Variants in INTS9 observed in about 807,000 individuals in gnomAD.
The protein encoded by INTS9 is protein related to CPSF subunits of 74 kDa.
INTS9 carries 55 observed loss-of-function variants against 79.7 expected under a neutral mutation model. The observed-to-expected ratio is 0.69, with a 90% CI of 0.56 to 0.86. INTS9 has a LOEUF of 0.86. Ranked by LOEUF, INTS9 falls within the 40% of genes least tolerant of loss-of-function variation. The pLI is 0.00. For missense variants in INTS9, 721 were observed against 831.5 expected (o/e 0.87, Z 1.64); for synonymous variants, 319 against 325.2 (o/e 0.98, Z 0.20).
intron 16 of INTS9, among the ~76,000 whole-genome samples, chr8:28,768,651 A>C (rs1802348323): frequency 6.6e-6 from 1 of 152,168 alleles, no homozygotes. Flanking sequence ...CTCCCTCCTA[A>C]GTTTCAGCTG....
chr8:28,828,318 G>C (rs1013648441), intron 6 of INTS9, among the ~76,000 whole-genome samples: 1 of 152,222 alleles, frequency 6.6e-6, no homozygotes, highest in Admixed American at 6.5e-5. Context: ...GCAGAAGACA[G>C]ATGTATTCTA....
intron 1 of INTS9, among the ~76,000 whole-genome samples, chr8:28,878,504 T>C (rs1809513364): frequency 6.6e-6 from 1 of 151,590 alleles, no homozygotes; most frequent in African/African-American, 2.4e-5. Flanking sequence ...TGTTTTTTTG[T>C]AGAGACAGGG....
chr8:28,778,011 C>G, intron 12 of INTS9, 58 bp from the exon 13 acceptor site: 1 of 1,511,062 alleles, frequency 6.6e-7, no homozygotes, highest in Non-Finnish European at 8.9e-7. Context: ...GCTGCCAAGC[C>G]AGACAGCAAC....
At chr8:28,810,681 A>G (rs1805063724) in intron 8 of INTS9, among the ~76,000 whole-genome samples, 1 of 152,182 alleles carries the variant, frequency 6.6e-6, no homozygotes, top group African/African-American at 2.4e-5. Flanking sequence ...TAATGTATCT[A>G]TATACCCATT....
intron 8 of INTS9, among the ~76,000 whole-genome samples, chr8:28,801,245 T>C (rs1054807428): frequency 6.6e-6 from 1 of 152,206 alleles, no homozygotes; most frequent in African/African-American, 2.4e-5. Flanking sequence ...CCCAGAACTT[T>C]GGGAGGCCAA....
At chr8:28,813,881 C>A (rs1293229485) in intron 6 of INTS9, among the ~76,000 whole-genome samples, 1 of 151,998 alleles carries the variant, frequency 6.6e-6, no homozygotes, top group East Asian at 1.9e-4. Flanking sequence ...CTGCCTCAGC[C>A]TCCTAAGTAG....
chr8:28,777,506 C>G (rs896804264), intron 13 of INTS9, among the ~76,000 whole-genome samples: 3 of 152,048 alleles, frequency 2.0e-5, no homozygotes, highest in Non-Finnish European at 4.4e-5. Context: ...TTCATTTAAA[C>G]TGTCTCAGCT....
At position 28,787,254 on chromosome 8, in the gene INTS9, A is replaced by G. The variant is rs149244307; in HGVS notation, c.1098+575T>C. ...TCTGTGAGGGAGGAAGAAGCCTTTT[A>G]TTTGTTGAACTGAAATGTTATTTTC... On this transcript the variant is annotated intron_variant, in intron 11 of 16. Transcript: ENST00000521022. Among the ~76,000 whole-genome samples the G allele has an allele frequency of 1.8e-3, 269 of 152,306 alleles. 1 individual carries two copies. The highest frequency in any genetic ancestry group is 6.2e-3 in the African/African-American group (257 of 41,576).
chr8:28,779,883 G>A (rs1458895925), intron 12 of INTS9, among the ~76,000 whole-genome samples: 1 of 152,022 alleles, frequency 6.6e-6, no homozygotes, highest in Non-Finnish European at 1.5e-5. Context: ...AGCTAGGAAG[G>A]GAGCTGGTGA....
At chr8:28,804,467 G>GA (rs1804692696) in intron 8 of INTS9, among the ~76,000 whole-genome samples, 1 of 149,016 alleles carries the variant, frequency 6.7e-6, no homozygotes, top group Non-Finnish European at 1.5e-5. Context: ...AATACCCCCC[G>GA]CCCCCCTGCA....
In INTS9 at chr8:28,768,405, G is replaced by C. The variant is rs765649305; in HGVS notation, c.1801-83C>G. ...TAAATGACACTTCACAGACTCGACT[G>C]AACTTTCTAGAAACTGACACGTCTC... On this transcript the variant is annotated intron_variant, in intron 16 of 16. Transcript: ENST00000521022. The C allele has an allele frequency of 4.8e-5, 62 of 1,290,702 alleles. 1 individual carries two copies. Among genetic ancestry groups the C allele is most frequent in the Non-Finnish European group, 6.9e-5 (62 of 898,198 alleles). The allele number at this position is 1,290,702 out of a possible 1,614,324, so 80.0% of individuals were successfully genotyped here. A position where few individuals can be genotyped will look rare whatever the true frequency, so the allele number is the denominator to read the frequency against.
At chr8:28,841,975 G>C (rs1200430113) in intron 4 of INTS9, among the ~76,000 whole-genome samples, 2 of 152,090 alleles carry the variant, frequency 1.3e-5, no homozygotes, top group Non-Finnish European at 2.9e-5. Context: ...TGTAGTCCCA[G>C]CTACTCGGAG....
At chr8:28,800,026 T>G (rs1004001693) in intron 8 of INTS9, among the ~76,000 whole-genome samples, 13 of 152,206 alleles carry the variant, frequency 8.5e-5, no homozygotes, top group Non-Finnish European at 1.9e-4. Flanking sequence ...CCCTTTAATA[T>G]GTGCCCTGGG....
At chr8:28,882,565 A>AAAAAAAAAAAAAAAAT (rs1809951140) in intron 1 of INTS9, among the ~76,000 whole-genome samples, 1 of 148,928 alleles carries the variant, frequency 6.7e-6, no homozygotes, top group Non-Finnish European at 1.5e-5. Context: ...AAAAAGAAAA[A>AAAAAAAAAAAAAAAAT]TGTAGACATA....
In INTS9 at chr8:28,767,892, T is replaced by C. The variant is rs1325755964; in HGVS notation, c.*254A>G. 6 of 473,014 alleles carry C rather than the reference T, an allele frequency of 1.3e-5. No individual in the cohort carries two copies. The highest frequency in any genetic ancestry group is 2.0e-5 in the African/African-American group (1 of 51,066). 29.3% of individuals were successfully genotyped at this position (473,014 alleles called of 1,614,324 possible). On this transcript the variant is annotated 3_prime_UTR_variant, in exon 17 of 17. Transcript: ENST00000521022. ...TGGAAAACTTCTCCTGTCCCACTTCTGCCACCCTCCAGCTCCTTGAGAGAG... is the reference window on the plus strand; with the variant it reads ...TGGAAAACTTCTCCTGTCCCACTTCCGCCACCCTCCAGCTCCTTGAGAGAG...
In INTS9 at chr8:28,770,112, C is replaced by T. The variant is rs1802444784; in HGVS notation, c.1663-86G>A. ...GGCCACACTGAGAGCCTGAGACTATCCTGTCCTCACAGGCCACAGAGCCCC... is the reference window on the plus strand; with the variant it reads ...GGCCACACTGAGAGCCTGAGACTATTCTGTCCTCACAGGCCACAGAGCCCC... On this transcript the variant is annotated intron_variant, in intron 15 of 16. Coordinates refer to ENST00000521022, the MANE Select transcript of INTS9 (RefSeq NM_018250.4). 4 of 1,502,274 alleles carry T rather than the reference C, an allele frequency of 2.7e-6. No homozygotes were observed. The South Asian group carries it at 5.1e-5, about 19-fold the overall frequency. 93.1% of individuals were successfully genotyped at this position (1,502,274 alleles called of 1,614,324 possible).
intron 14 of INTS9, among the ~76,000 whole-genome samples, chr8:28,775,538 A>G (rs540533175): frequency 6.6e-6 from 1 of 152,132 alleles, no homozygotes; most frequent in Non-Finnish European, 1.5e-5. Context: ...GGGTTTTGCC[A>G]TATTGGCTGG....
At chr8:28,796,737 C>T (rs1233921968) in intron 8 of INTS9, 82 bp from the exon 9 acceptor site, 2 of 872,232 alleles carry the variant, frequency 2.3e-6, no homozygotes, top group East Asian at 2.5e-5. Context: ...AGAACACAGA[C>T]ATTGCTCTTT....
chr8:28,847,908 T>G (rs1807617195), intron 3 of INTS9, among the ~76,000 whole-genome samples: 1 of 152,168 alleles, frequency 6.6e-6, no homozygotes, highest in African/African-American at 2.4e-5. Flanking sequence ...TGAGGAGCAA[T>G]GGGGCTGAAA....
Sources: gnomAD v4.1 joint callset for allele counts (sites outside exome capture counted in the v4.1 genomes callset) on GRCh38, gnomAD v4.1.1 for gene constraint, MANE v1.5 for transcripts, NCBI Gene and HGNC (gene_info 2026-07-23, HGNC 2026-07-21) for gene names.